FAM178B: variants seen among roughly 807,000 people sequenced by gnomAD.
FAM178B encodes family with sequence similarity 178 member B.
A neutral mutation model predicts 91.7 loss-of-function variants in FAM178B; 82 were observed. That is an observed-to-expected ratio of 0.89 (90% CI 0.75 to 1.07). The LOEUF is 1.07. FAM178B is among the 50% of genes least tolerant of loss of function. The probability of loss-of-function intolerance (pLI) is 0.00; values close to 1 mark genes in which losing one functional copy is unlikely to be tolerated. For missense variants in FAM178B, 769 were observed against 846.7 expected (o/e 0.91, Z 1.14); for synonymous variants, 368 against 359.4 (o/e 1.02, Z -0.27).
rs533607075 is a variant in FAM178B, at chr2:96,906,718, A to G, written c.1563-4011T>C. Among the ~76,000 whole-genome samples, 77 of 152,274 alleles carry G rather than the reference A, an allele frequency of 5.1e-4. 1 individual carries two copies. The highest frequency in any genetic ancestry group is 8.7e-4 in the Non-Finnish European group (59 of 68,018). On this transcript the variant is annotated intron_variant, in intron 12 of 16. Coordinates refer to ENST00000490605, the MANE Select transcript of FAM178B (RefSeq NM_001122646.3). ...CCGTGGCCCCACACCCAGAGCCCCA[A>G]GCTTCAGGTTCTCCCCCACGCACAG...
chr2:96,959,672 T>A (rs2082053055), intron 6 of FAM178B, among the ~76,000 whole-genome samples: 1 of 152,230 alleles, frequency 6.6e-6, no homozygotes, highest in Non-Finnish European at 1.5e-5. Context: ...CTGAGGACTT[T>A]CTTTCCTCTT....
chr2:96,977,806 A>G (rs746808966), intron 1 of FAM178B: 1 of 456,570 alleles, frequency 2.2e-6, no homozygotes, highest in South Asian at 1.5e-5. Flanking sequence ...TAAGTTTAGG[A>G]CGCATAATAC....
At chr2:96,899,951 C>G (rs990860502) in intron 13 of FAM178B, among the ~76,000 whole-genome samples, 2 of 150,310 alleles carry the variant, frequency 1.3e-5, no homozygotes, top group African/African-American at 4.9e-5. Flanking sequence ...CCTCCAACTC[C>G]TGGGCCCAAC....
At chr2:96,889,887 C>T (rs1386233890) in intron 14 of FAM178B, among the ~76,000 whole-genome samples, 1 of 151,516 alleles carries the variant, frequency 6.6e-6, no homozygotes, top group Non-Finnish European at 1.5e-5. Flanking sequence ...GCCTGTAATC[C>T]CAGCACTTTG....
At chr2:96,939,894 A>T (rs1329582375) in intron 8 of FAM178B, among the ~76,000 whole-genome samples, 1 of 152,212 alleles carries the variant, frequency 6.6e-6, no homozygotes, top group Non-Finnish European at 1.5e-5. Context: ...AATGTCACCT[A>T]TTATTTTCAA....
chr2:96,929,102 G>T, intron 9 of FAM178B, 104 bp downstream of exon 9: 2 of 823,200 alleles, frequency 2.4e-6, no homozygotes, highest in Non-Finnish European at 4.0e-6. Flanking sequence ...AGGCCGCAGT[G>T]AGCTATGATT....
chr2:96,902,504 G>C (rs1262000886), intron 13 of FAM178B, 116 bp downstream of exon 13: 2 of 712,812 alleles, frequency 2.8e-6, no homozygotes, highest in East Asian at 5.5e-5. Flanking sequence ...GAAAGAACAT[G>C]AGTAGAGAGT....
chr2:96,923,276 A>G (rs114013209), intron 10 of FAM178B, among the ~76,000 whole-genome samples: 2,325 of 152,284 alleles, frequency 0.015, 57 homozygotes, highest in African/African-American at 0.046. Flanking sequence ...CCTGGCCCCA[A>G]TTCTTTCTTG....
At chr2:96,981,993 G>A (rs1374370613) in intron 1 of FAM178B, among the ~76,000 whole-genome samples, 1 of 151,902 alleles carries the variant, frequency 6.6e-6, no homozygotes, top group East Asian at 1.9e-4. Context: ...TCTGAGTCCA[G>A]GAGGTCAAGG....
chr2:96,979,028 GT>G (rs1296930966), intron 1 of FAM178B, among the ~76,000 whole-genome samples: 1 of 142,510 alleles, frequency 7.0e-6, no homozygotes, highest in East Asian at 2.1e-4. Context: ...CCAGGCTGGA[GT>G]GCAGTGGTGT....
rs1350668892 is a variant in FAM178B, at chr2:96,986,489, A to G, written c.-176T>C. 5 of 731,896 alleles carry G rather than the reference A, an allele frequency of 6.8e-6. No homozygotes were observed. The highest frequency in any genetic ancestry group is 6.1e-5 in the Admixed American group (2 of 32,910). The allele number at this position is 731,896 out of a possible 1,614,324, so 45.3% of individuals were successfully genotyped here. ...AGGGCCGCCAACGTGGAACCTAAAG[A>G]TCCAGTTCTGGGGATTGAGTTCCGA... is the stretch of plus-strand genomic sequence containing the variant. On this transcript the variant is annotated 5_prime_UTR_variant, in exon 1 of 17. Transcript: ENST00000490605.
intron 12 of FAM178B, among the ~76,000 whole-genome samples, chr2:96,919,772 C>T (rs1329787383): frequency 6.6e-6 from 1 of 152,198 alleles, no homozygotes; most frequent in African/African-American, 2.4e-5. Flanking sequence ...CCCATTCTTT[C>T]AGAGAGAGGA....
At position 96,883,630 on chromosome 2, in the gene FAM178B, A is replaced by G. The variant is rs148748034; in HGVS notation, c.1777-5137T>C. Among the ~76,000 whole-genome samples the G allele has an allele frequency of 4.6e-3, 704 of 152,198 alleles. 4 individuals carry two copies. Among genetic ancestry groups the G allele is most frequent in the African/African-American group, 0.017 (687 of 41,530 alleles). On this transcript the variant is annotated intron_variant, in intron 14 of 16. Coordinates refer to ENST00000490605, the MANE Select transcript of FAM178B (RefSeq NM_001122646.3). ...GCTACTGTGTGTGTGTTGGGGGGAG[A>G]ACCAAGGCTGACCCAGGAACACCTG...
At chr2:96,947,514 TAG>T (rs1252027467) in intron 8 of FAM178B, among the ~76,000 whole-genome samples, 2 of 152,324 alleles carry the variant, frequency 1.3e-5, no homozygotes, top group African/African-American at 2.4e-5. Context: ...CCCTCAGACC[TAG>T]AGACTGTCTC....
intron 13 of FAM178B, among the ~76,000 whole-genome samples, chr2:96,900,782 C>T (rs377353623): frequency 6.6e-6 from 1 of 152,190 alleles, no homozygotes; most frequent in Non-Finnish European, 1.5e-5. Context: ...AACCCAACCC[C>T]ACCGGTCACC....
At chr2:96,893,134 G>C (rs1444317084) in intron 14 of FAM178B, among the ~76,000 whole-genome samples, 2 of 152,178 alleles carry the variant, frequency 1.3e-5, no homozygotes, top group African/African-American at 4.8e-5. Context: ...CTCCGAGTGA[G>C]TTTCTGGAAT....
intron 13 of FAM178B, among the ~76,000 whole-genome samples, chr2:96,896,298 C>T (rs13425281): frequency 0.23 from 34,966 of 152,134 alleles, 5,377 homozygotes; most frequent in South Asian, 0.65. Flanking sequence ...GTGCTCAGTG[C>T]AGCAAGCTGC....
At chr2:96,944,700 T>C (rs2081793807) in intron 8 of FAM178B, among the ~76,000 whole-genome samples, 1 of 152,226 alleles carries the variant, frequency 6.6e-6, no homozygotes, top group African/African-American at 2.4e-5. Flanking sequence ...GTATTTGTTA[T>C]CAATAGTCAA....
chr2:96,982,847 T>C (rs1421629348), intron 1 of FAM178B, among the ~76,000 whole-genome samples: 1 of 149,972 alleles, frequency 6.7e-6, no homozygotes, highest in African/African-American at 2.5e-5. Context: ...CCCAAAGTGC[T>C]GGGATTACAG....
Sources: gnomAD v4.1 joint callset for allele counts (sites outside exome capture counted in the v4.1 genomes callset) on GRCh38, gnomAD v4.1.1 for gene constraint, MANE v1.5 for transcripts, NCBI Gene and HGNC (gene_info 2026-07-23, HGNC 2026-07-21) for gene names.